The following KMT2D variants were observed in gnomAD, a reference collection of about 807,000 sequenced individuals.
KMT2D encodes histone-lysine N-methyltransferase 2D.
A neutral mutation model predicts 512.7 loss-of-function variants in KMT2D; 55 were observed. The observed-to-expected ratio is 0.11, with a 90% confidence interval of 0.09 to 0.13. The LOEUF is 0.13. KMT2D is among the 10% of genes least tolerant of loss of function. The pLI, the probability that KMT2D is intolerant of heterozygous loss-of-function variation, is 1.00. For missense variants in KMT2D, 6,061 were observed against 7,127.9 expected (o/e 0.85, Z 5.39); for synonymous variants, 2,995 against 2,904.0 (o/e 1.03, Z -1.01).
chr12:49,043,661 C>T lies in KMT2D; in HGVS notation c.5441G>A (p.Arg1814Lys), dbSNP rs1438049716. 1 of 1,614,036 alleles carries T rather than the reference C, an allele frequency of 6.2e-7. No homozygotes were observed. Among genetic ancestry groups the T allele is most frequent in the Middle Eastern group, 1.6e-4 (1 of 6,062 alleles). ...PKAKGDGGSE[R>K]KELPTSQKGD... ...TTTCTGCGATGTGGGGAGTTCCTTCCTTTCTGAGCCTCCATCTCCCTTGGC... is the reference window on the plus strand; with the variant it reads ...TTTCTGCGATGTGGGGAGTTCCTTCTTTTCTGAGCCTCCATCTCCCTTGGC... The change falls in exon 24 of 55, where the codon AGG (arginine) becomes AAG (lysine). Residue 1814 changes from arginine (R) to lysine (K), a missense_variant. This residue lies in a region of KMT2D where 640 missense variants were observed against 814.3 expected (regional missense o/e 0.79). Transcript: ENST00000301067.
In KMT2D at chr12:49,022,216, C is replaced by G. The variant is rs1427098523; in HGVS notation, c.16412+64G>C. On this transcript the variant is annotated intron_variant, in intron 53 of 54. Coordinates refer to ENST00000301067, the MANE Select transcript of KMT2D (RefSeq NM_003482.4). This position sits in a 1 kb window ranked among gnomAD's most constrained non-coding sequence, Gnocchi z 8.6. ...CTTGGGACAATTTTGATTCCTTGTT[C>G]GTCTATCCCCCAGAGTGCCACTCTC... is the stretch of plus-strand genomic sequence containing the variant. 6.3e-7 allele frequency: 1 copy of G among 1,599,108 alleles called. No homozygotes were observed. Among genetic ancestry groups the G allele is most frequent in the Non-Finnish European group, 8.6e-7 (1 of 1,166,852 alleles).
At chr12:49,048,342 T>C (rs1029292197) in intron 14 of KMT2D, among the ~76,000 whole-genome samples, 2 of 152,208 alleles carry the variant, frequency 1.3e-5, no homozygotes, top group Admixed American at 1.3e-4. Flanking sequence ...CAGGTGAGAA[T>C]CACATATGTG....
chr12:49,053,790 T>C (rs1784930235), intron 6 of KMT2D, 149 bp from the exon 7 acceptor site: 1 of 1,131,228 alleles, frequency 8.8e-7, no homozygotes, highest in Admixed American at 2.7e-5. Flanking sequence ...GCTACTGTTC[T>C]AGGCACTGGA....
intron 49 of KMT2D, among the ~76,000 whole-genome samples, chr12:49,025,665 A>G (rs1432731950): frequency 2.0e-5 from 3 of 152,236 alleles, no homozygotes; most frequent in Admixed American, 1.3e-4. Flanking sequence ...CTTTATGAAC[A>G]AACTGGGCAT....
chr12:49,037,964 G>T lies in KMT2D; in HGVS notation c.9392C>A (p.Pro3131His), dbSNP rs2120488449. ...GGGGGTAGCAATGGTGAATTGGCAA[G>T]GAGAAGGGTGGCGTCCACCCTCCTC... The part of the protein sequence containing the change: ...KVEEGGRHPS[P>H]CQFTIATPKV... Residue 3131 changes from proline (P) to histidine (H), a missense_variant, in exon 35 of 55, where the codon CCT (proline) becomes CAT (histidine). Transcript: ENST00000301067. 6.2e-7 allele frequency: 1 copy of T among 1,602,204 alleles called. No homozygotes were observed. Among genetic ancestry groups the T allele is most frequent in the Non-Finnish European group, 8.5e-7 (1 of 1,174,650 alleles).
In KMT2D at chr12:49,040,058, G is replaced by C. The variant is rs779982818; in HGVS notation, c.7712C>G (p.Thr2571Ser). The change falls in exon 32 of 55, where the codon ACC (threonine) becomes AGC (serine). Residue 2571 changes from threonine to serine, a missense_variant. Transcript: ENST00000301067. ...GINSHFGPGP[T>S]LGKPQSTNYT... ...GTTTGTGCTTTGAGGCTTGCCCAAGGTGGGGCCGGGCCCAAAATGGCTGTT... is the reference window on the plus strand; with the variant it reads ...GTTTGTGCTTTGAGGCTTGCCCAAGCTGGGGCCGGGCCCAAAATGGCTGTT... The C allele has an allele frequency of 6.2e-7, 1 of 1,613,848 alleles. No homozygotes were observed. Among genetic ancestry groups the C allele is most frequent in the Non-Finnish European group, 8.5e-7 (1 of 1,179,882 alleles).
rs2120651475 is a variant in KMT2D at position 49,050,494 on chromosome 12, G to A, written c.3094C>T (p.Leu1032=). The A allele has an allele frequency of 1.2e-6, 2 of 1,613,194 alleles. No individual in the cohort carries two copies. The highest frequency in any genetic ancestry group is 1.7e-6 in the Non-Finnish European group (2 of 1,179,224). ...GAAGGAGGGGAGTTTTGGGGAACCA[G>A]GGAATGCTGAAGGAGTGGCGAACAC... ...PQCSPLLQHS[L]VPQNSPPSQC... is the part of the protein sequence containing the mutation. Residue 1032 remains leucine (L), a synonymous_variant, in exon 12 of 55, where the codon CTG becomes TTG. Coordinates refer to ENST00000301067, the MANE Select transcript of KMT2D (RefSeq NM_003482.4).
rs2137705275 is a variant in KMT2D, at chr12:49,022,371, G to A, written c.16339-18C>T. ...CCTCGATTCTAGAAAGGCAGAGGTT[G>A]CAGAAGAAGGGACAAGAGTATCAGA... is the stretch of plus-strand genomic sequence containing the variant. On this transcript the variant is annotated intron_variant, in intron 52 of 54. Coordinates refer to ENST00000301067, the MANE Select transcript of KMT2D (RefSeq NM_003482.4). The surrounding 1 kb of genome is among the most constrained non-coding windows in gnomAD (Gnocchi z 8.6). 1 of 1,596,782 alleles carries A rather than the reference G, an allele frequency of 6.3e-7. No individual in the cohort carries two copies. The highest frequency in any genetic ancestry group is 8.5e-7 in the Non-Finnish European group (1 of 1,171,064).
chr12:49,037,539 C>A lies in KMT2D; in HGVS notation c.9817G>T (p.Ala3273Ser), dbSNP rs2120481231. Residue 3273 changes from alanine (A) to serine (S), a missense_variant, in exon 35 of 55, where the codon GCC becomes TCC. This residue lies in a region of KMT2D where 533 missense variants were observed against 539.6 expected (regional missense o/e 0.99). Coordinates refer to ENST00000301067, the MANE Select transcript of KMT2D (RefSeq NM_003482.4). Reference sequence around the variant, plus strand: ...TGCTGCTGTTGCTGCTGCTGCTGGGCAGGCTGCAACTGTGCTGAAAGCTGC... The same window carrying A: ...TGCTGCTGTTGCTGCTGCTGCTGGGAAGGCTGCAACTGTGCTGAAAGCTGC... ...KQQLSAQLQP[A>S]QQQQQQQQQH... The A allele has an allele frequency of 1.3e-6, 2 of 1,554,346 alleles. No homozygotes were observed. Among genetic ancestry groups the A allele is most frequent in the South Asian group, 2.4e-5 (2 of 84,276 alleles).
Position 49,040,727 on chromosome 12 carries a change from C to T in KMT2D, c.7043G>A (p.Arg2348Lys). Residue 2348 changes from arginine to lysine, a missense_variant, in exon 32 of 55, where the codon AGG becomes AAG. Arg to Lys is a conservative substitution (Grantham distance 26, BLOSUM62 2). This residue lies in a region of KMT2D where 710 missense variants were observed against 647.3 expected (regional missense o/e 1.10). Coordinates refer to ENST00000301067, the MANE Select transcript of KMT2D (RefSeq NM_003482.4). The stretch of plus-strand genomic sequence containing the variant: ...CTGGGCAGGGGGTGGCTCCTGGGGC[C>T]TTAGGCCCAAGCCCGGGCTCTGGGG... ...VEPQSPGLGL[R>K]PQEPPPAQAL... 6.2e-7 allele frequency: 1 copy of T among 1,613,516 alleles called. No individual in the cohort carries two copies. Among genetic ancestry groups the T allele is most frequent in the Admixed American group, 1.7e-5 (1 of 59,998 alleles).
In KMT2D at chr12:49,031,560, T is replaced by C; in HGVS notation, c.13145A>G (p.Asn4382Ser). The change falls in exon 40 of 55, where the codon AAC becomes AGC. Residue 4382 changes from asparagine (N) to serine (S), a missense_variant. This residue lies in a region of KMT2D where 1,600 missense variants were observed against 1,754.9 expected (regional missense o/e 0.91). Transcript: ENST00000301067. ...KGLGPWDPPD[N>S]LAETQKPEQS... ...CTCTGGCTTCTGGGTTTCTGCTAGGTTGTCTGGGGGATCCCAAGGTCCCAG... is the reference window on the plus strand; with the variant it reads ...CTCTGGCTTCTGGGTTTCTGCTAGGCTGTCTGGGGGATCCCAAGGTCCCAG... 1.9e-6 allele frequency: 3 copies of C among 1,602,480 alleles called. No homozygotes were observed. Among genetic ancestry groups the C allele is most frequent in the Non-Finnish European group, 2.6e-6 (3 of 1,174,396 alleles).
rs554296352 is a variant in KMT2D, at chr12:49,042,459, GC to G, written c.5867+101del. ...GTCACTAACAAGGGAATGGGGAGGAGCAGGGGAAGTGCTGCAGGAGTCCGAG... is the reference window on the plus strand; with the variant it reads ...GTCACTAACAAGGGAATGGGGAGGAGAGGGGAAGTGCTGCAGGAGTCCGAG... On this transcript the variant is annotated intron_variant, in intron 28 of 54. Transcript: ENST00000301067. The surrounding 1 kb of genome is among the most constrained non-coding windows in gnomAD (Gnocchi z 4.4). 62 of 1,521,228 alleles carry G rather than the reference GC, an allele frequency of 4.1e-5. No homozygotes were observed. In the South Asian group the frequency reaches 4.8e-4, roughly 12 times the overall value. The allele number at this position is 1,521,228 out of a possible 1,614,324, so 94.2% of individuals were successfully genotyped here.
In KMT2D at chr12:49,032,025, A is replaced by G. The variant is rs781095456; in HGVS notation, c.12680T>C (p.Met4227Thr). The part of the protein sequence containing the change: ...QQQQQLQALL[M>T]QRQLQQSQAV... ...CTGACTCTGCTGCAGCTGCCGCTGC[A>G]TGAGGAGTGCCTGTAGCTGCTGCTG... Residue 4227 changes from methionine (M) to threonine (T), a missense_variant, in exon 40 of 55, where the codon ATG (methionine) becomes ACG (threonine). Physicochemically the swap from Met to Thr is moderately conservative, Grantham distance 81 (BLOSUM62 -1). Coordinates refer to ENST00000301067, the MANE Select transcript of KMT2D (RefSeq NM_003482.4). 2.5e-6 allele frequency: 4 copies of G among 1,611,406 alleles called. No individual in the cohort carries two copies. The East Asian group carries it at 8.9e-5, about 36-fold the overall frequency.
rs1943770118 is a variant in KMT2D at position 49,046,068 on chromosome 12, C to T, written c.4690G>A (p.Val1564Met). ...CTACCCAGCAGCTGGTACTCACCCACAGGCTTTACCACGTAGGGCTGGCAG... is the reference window on the plus strand; with the variant it reads ...CTACCCAGCAGCTGGTACTCACCCATAGGCTTTACCACGTAGGGCTGGCAG... ...VSCQPYVVKP[V>M]APVAPPELVP... The change falls in exon 18 of 55, where the codon GTG becomes ATG. Residue 1564 changes from valine (V) to methionine (M), a missense_variant. Transcript: ENST00000301067. This position sits in a 1 kb window ranked among gnomAD's most constrained non-coding sequence, Gnocchi z 4.2. 6.2e-7 allele frequency: 1 copy of T among 1,611,724 alleles called. No homozygotes were observed. The highest frequency in any genetic ancestry group is 2.2e-5 in the East Asian group (1 of 44,812).
Position 49,054,706 on chromosome 12 carries a change from G to A in KMT2D, c.222C>T (p.Pro74=), listed in dbSNP as rs776953582. ...RRCALCNCGE[P]SLHGQRELRR... The stretch of plus-strand genomic sequence containing the variant: ...GTAGCTCCCGCTGCCCGTGTAGACT[G>A]GGCTCCCCGCAGTTACAGAGAGCAC... The change falls in exon 4 of 55, where the codon CCC becomes CCT. Residue 74 remains proline (P), a synonymous_variant. Transcript: ENST00000301067. This position sits in a 1 kb window ranked among gnomAD's most constrained non-coding sequence, Gnocchi z 6.4. 4.3e-6 allele frequency: 7 copies of A among 1,613,358 alleles called. No homozygotes were observed. The highest frequency in any genetic ancestry group is 5.1e-6 in the Non-Finnish European group (6 of 1,179,628).
intron 12 of KMT2D, 60 bp downstream of exon 12, chr12:49,049,622 G>A (rs1036258230): frequency 6.7e-7 from 1 of 1,496,070 alleles, no homozygotes; most frequent in Non-Finnish European, 9.0e-7. Context: ...AGTGACACAG[G>A]ACTGTACCTC....
rs534037394 is a variant in KMT2D at position 49,060,264 on chromosome 12, TC to T, written c.-690del. On this transcript the variant is annotated 5_prime_UTR_variant, in exon 1 of 55. Coordinates refer to ENST00000301067, the MANE Select transcript of KMT2D (RefSeq NM_003482.4). ...CGGCTTCGAGCCCCCCACCTTCTGC[TC>T]CCCCCGGGGAAGGGAGGAGGCTAGG... Among the ~76,000 whole-genome samples, 288 of 150,342 alleles carry T rather than the reference TC, an allele frequency of 1.9e-3. 1 individual carries two copies. Among genetic ancestry groups the T allele is most frequent in the African/African-American group, 6.7e-3 (275 of 40,810 alleles).
rs1190565541 is a variant in KMT2D at position 49,022,558 on chromosome 12, T to C, written c.16338+32A>G. On this transcript the variant is annotated intron_variant, in intron 52 of 54. Transcript: ENST00000301067. This position sits in a 1 kb window ranked among gnomAD's most constrained non-coding sequence, Gnocchi z 8.6. ...TTGCTCCTTGGTTGAGTGCAGACTA[T>C]GCACCACAATGGCCCCTCTGCCAGC... The C allele has an allele frequency of 1.9e-6, 3 of 1,603,176 alleles. No individual in the cohort carries two copies. The highest frequency in any genetic ancestry group is 3.4e-5 in the Admixed American group (2 of 59,676).
chr12:49,032,819 T>C lies in KMT2D; in HGVS notation c.11886A>G (p.Gln3962=), dbSNP rs180784366. The change falls in exon 40 of 55, where the codon CAA becomes CAG. Residue 3962 remains glutamine (Q), a synonymous_variant. Coordinates refer to ENST00000301067, the MANE Select transcript of KMT2D (RefSeq NM_003482.4). ...QQQLQQQQQQ[Q]QQQFQQQQQQ... ...GCTGCTGCTGTTGAAACTGCTGCTGTTGTTGTTGCTGTTGCTGTTGTAGCT... is the reference window on the plus strand; with the variant it reads ...GCTGCTGCTGTTGAAACTGCTGCTGCTGTTGTTGCTGTTGCTGTTGTAGCT... 1.7e-4 allele frequency: 259 copies of C among 1,550,786 alleles called. No homozygotes were observed. Among genetic ancestry groups the C allele is most frequent in the African/African-American group, 1.6e-3 (116 of 72,956 alleles).
Sources: allele counts gnomAD v4.1 joint callset (sites outside exome capture counted in the v4.1 genomes callset), GRCh38; gene constraint gnomAD v4.1.1; regional missense constraint gnomAD v4.1.1; non-coding constraint Gnocchi (gnomAD v3.1); transcripts MANE v1.5; gene names NCBI Gene and HGNC (gene_info 2026-07-23, HGNC 2026-07-21).